Variants in ARHGEF3 observed in about 807,000 individuals in gnomAD.
The protein encoded by ARHGEF3 is Rho guanine nucleotide exchange factor 3.
In ARHGEF3, 28 loss-of-function variants were observed where a neutral mutation model predicts 63.2. That is an observed-to-expected ratio of 0.44 (90% CI 0.33 to 0.61). The LOEUF (loss-of-function observed/expected upper bound fraction) is 0.61, where lower values mean the gene tolerates loss of function less well. ARHGEF3 is among the 20% of genes least tolerant of loss of function. The pLI is 0.03. For synonymous variants in ARHGEF3, 266 were observed against 254.2 expected, an observed-to-expected ratio of 1.05 and a Z score of -0.44; for missense variants, 533 against 659.3, an observed-to-expected ratio of 0.81 and a Z score of 2.10.
chr3:57,029,717 C>CATATT (rs1703653555), intron 2 of ARHGEF3, among the ~76,000 whole-genome samples: 2 of 152,278 alleles, frequency 1.3e-5, no homozygotes, highest in South Asian at 4.1e-4. Flanking sequence ...AGGAGGAAAC[C>CATATT]ATATTCTAAG....
At position 56,775,217 on chromosome 3, in the gene ARHGEF3, C is replaced by T. The variant is rs1437511212; in HGVS notation, c.97-1401G>A. The T allele has an allele frequency of 6.3e-6, 9 of 1,430,156 alleles. No homozygotes were observed. In the African/African-American group the frequency reaches 8.7e-5, roughly 14 times the overall value. The allele number at this position is 1,430,156 out of a possible 1,614,324, so 88.6% of individuals were successfully genotyped here. A position where few individuals can be genotyped will look rare whatever the true frequency, so the allele number is the denominator to read the frequency against. On this transcript the variant is annotated intron_variant, in intron 1 of 9. Transcript: ENST00000296315. ...CAGATTCTCCAGGATATTTCTGCAT[C>T]CCCGTTCTGAACATAGTAGGTGCCT...
intron 1 of ARHGEF3, among the ~76,000 whole-genome samples, chr3:56,800,264 TG>T (rs2037573800): frequency 1.3e-5 from 2 of 152,310 alleles, no homozygotes; most frequent in African/African-American, 4.8e-5. Flanking sequence ...TCCTTACAAG[TG>T]GAGTTTGAGT....
At chr3:56,938,959 C>G (rs886982262) in intron 3 of ARHGEF3, 7 of 152,234 alleles carry the variant, frequency 4.6e-5, no homozygotes, top group African/African-American at 1.4e-4. Flanking sequence ...TGCCTGCACT[C>G]TCTGTGAAGT....
chr3:56,773,826 T>TAAAA lies in ARHGEF3; in HGVS notation c.97-14_97-11dup. On this transcript the variant is annotated splice_polypyrimidine_tract_variant and intron_variant, in intron 1 of 9. Transcript: ENST00000296315. ...GTTTATTACTAGGCTCCTATAGAGT[T>TAAAA]AAAAAAAAAAAAAAGTAAAATGTCA... 2 of 1,400,966 alleles carry TAAAA rather than the reference T, an allele frequency of 1.4e-6. No individual in the cohort carries two copies. Among genetic ancestry groups the TAAAA allele is most frequent in the Non-Finnish European group, 9.7e-7 (1 of 1,034,572 alleles). 86.8% of individuals were successfully genotyped at this position (1,400,966 alleles called of 1,614,324 possible).
intron 2 of ARHGEF3, among the ~76,000 whole-genome samples, chr3:57,031,845 G>A (rs1284925237): frequency 6.6e-6 from 1 of 152,156 alleles, no homozygotes; most frequent in Non-Finnish European, 1.5e-5. Flanking sequence ...CCAGACCCTG[G>A]AGATGTGGGA....
chr3:56,937,817 T>C (rs1258017098), intron 3 of ARHGEF3, among the ~76,000 whole-genome samples: 2 of 152,242 alleles, frequency 1.3e-5, no homozygotes, highest in East Asian at 1.9e-4. Context: ...TGCTGAGTCA[T>C]AAGTTTTCTC....
At chr3:56,968,223 AATATAT>A (rs574561116) in intron 2 of ARHGEF3, among the ~76,000 whole-genome samples, 2 of 35,554 alleles carry the variant, frequency 5.6e-5, no homozygotes, top group Non-Finnish European at 1.0e-4. Flanking sequence ...TATTATATAT[AATATAT>A]ATATAAATAT....
intron 1 of ARHGEF3, among the ~76,000 whole-genome samples, chr3:57,058,376 G>A (rs554592598): frequency 7.9e-5 from 12 of 152,268 alleles, no homozygotes; most frequent in African/African-American, 1.9e-4. Flanking sequence ...TGCTCTCGGC[G>A]TCCAGCAAAA....
intron 2 of ARHGEF3, among the ~76,000 whole-genome samples, chr3:56,998,979 G>T (rs182571942): frequency 2.6e-5 from 4 of 152,292 alleles, no homozygotes; most frequent in Admixed American, 2.6e-4. Flanking sequence ...TGAAATTCTT[G>T]ATTATTCATG....
chr3:57,046,647 C>T (rs1038574294), intron 1 of ARHGEF3, among the ~76,000 whole-genome samples: 1 of 152,192 alleles, frequency 6.6e-6, no homozygotes, highest in Non-Finnish European at 1.5e-5. Flanking sequence ...GGTTCTCCTA[C>T]AGTGCTAGAG....
At chr3:56,865,629 G>A (rs2040223159) in intron 4 of ARHGEF3, among the ~76,000 whole-genome samples, 1 of 152,174 alleles carries the variant, frequency 6.6e-6, no homozygotes, top group African/African-American at 2.4e-5. Flanking sequence ...TAGGCATGTG[G>A]CTAGTGAGGT....
intron 3 of ARHGEF3, among the ~76,000 whole-genome samples, chr3:56,929,118 G>A (rs1299107379): frequency 1.3e-5 from 2 of 152,202 alleles, no homozygotes; most frequent in South Asian, 2.1e-4. Flanking sequence ...CAAAAAGGCT[G>A]CAATTTGGGT....
chr3:57,009,422 C>T (rs964130288), intron 2 of ARHGEF3, among the ~76,000 whole-genome samples: 2 of 152,168 alleles, frequency 1.3e-5, no homozygotes, highest in African/African-American at 2.4e-5. Context: ...TCGCACAACC[C>T]GCCACCCCTT....
At chr3:56,957,253 A>C (rs1347679548) in intron 3 of ARHGEF3, among the ~76,000 whole-genome samples, 2 of 152,236 alleles carry the variant, frequency 1.3e-5, no homozygotes, top group Admixed American at 1.3e-4. Context: ...CCTGAGCTAA[A>C]ATAGTTCCAT....
chr3:56,843,633 T>A (rs1217802347), intron 4 of ARHGEF3, among the ~76,000 whole-genome samples: 1 of 152,226 alleles, frequency 6.6e-6, no homozygotes, highest in Admixed American at 6.5e-5. Context: ...TCTTTCACCA[T>A]CTTTCTTTCC....
chr3:56,868,929 C>A (rs555143833), intron 4 of ARHGEF3, among the ~76,000 whole-genome samples: 22 of 152,048 alleles, frequency 1.4e-4, no homozygotes, highest in Admixed American at 5.2e-4. Flanking sequence ...TCAGTAAATG[C>A]CAGTTGATTG....
chr3:57,073,941 C>G, intron 1 of ARHGEF3: 1 of 1,614,172 alleles, frequency 6.2e-7, no homozygotes, highest in Non-Finnish European at 8.5e-7. Flanking sequence ...TGAGACCTGT[C>G]AGAGATATTT....
At chr3:56,933,315 G>C (rs1337439481) in intron 3 of ARHGEF3, among the ~76,000 whole-genome samples, 1 of 151,680 alleles carries the variant, frequency 6.6e-6, no homozygotes, top group African/African-American at 2.4e-5. Context: ...TTTACACAAA[G>C]AGCAAATGGT....
At chr3:56,762,548 T>C (rs143586408) in intron 2 of ARHGEF3, among the ~76,000 whole-genome samples, 56 of 152,242 alleles carry the variant, frequency 3.7e-4, no homozygotes, top group Admixed American at 1.1e-3. Context: ...ACCCAGCAGG[T>C]AGACATGATG....
Sources: gnomAD v4.1 joint callset for allele counts (sites outside exome capture counted in the v4.1 genomes callset) on GRCh38, gnomAD v4.1.1 for gene constraint, MANE v1.5 for transcripts, NCBI Gene and HGNC (gene_info 2026-07-23, HGNC 2026-07-21) for gene names.